The following KCNQ1 variants were observed in gnomAD, a reference collection of about 807,000 sequenced individuals.
KCNQ1 encodes the protein potassium voltage-gated channel subfamily Q member 1, also known as potassium voltage-gated channel subfamily KQT member 1.
A neutral mutation model predicts 72.4 loss-of-function variants in KCNQ1; 49 were observed. The ratio of observed to expected loss-of-function variants is 0.68; its 90% confidence interval spans 0.54 to 0.86. KCNQ1 has a LOEUF of 0.86. Among genes scored for constraint, KCNQ1 ranks in the 40% least tolerant of loss-of-function variants. The probability of loss-of-function intolerance (pLI) is 0.00; values close to 1 mark genes in which losing one functional copy is unlikely to be tolerated. For missense variants in KCNQ1, 790 were observed against 945.1 expected, an observed-to-expected ratio of 0.84 and a Z score of 2.15; for synonymous variants, 450 against 412.6, an observed-to-expected ratio of 1.09 and a Z score of -1.10.
intron 15 of KCNQ1, among the ~76,000 whole-genome samples, chr11:2,799,244 C>T (rs548910623): frequency 9.9e-5 from 15 of 152,280 alleles, no homozygotes; most frequent in African/African-American, 3.4e-4. Context: ...ACCACGGGGG[C>T]GGTGGTGCTC....
At chr11:2,548,437 T>C (rs187770472) in intron 2 of KCNQ1, among the ~76,000 whole-genome samples, 26 of 152,368 alleles carry the variant, frequency 1.7e-4, no homozygotes, top group Admixed American at 1.4e-3. Flanking sequence ...AAAGATTTCA[T>C]AGCGAACAAA....
intron 15 of KCNQ1, among the ~76,000 whole-genome samples, chr11:2,831,669 C>T (rs1463215256): frequency 6.7e-6 from 1 of 150,004 alleles, no homozygotes; most frequent in African/African-American, 2.5e-5. Flanking sequence ...CCCTTCCCCA[C>T]CACTGCTCCC....
intron 10 of KCNQ1, chr11:2,632,636 A>C (rs1849379572): frequency 2.5e-6 from 1 of 398,392 alleles, no homozygotes; most frequent in Non-Finnish European, 4.4e-6. Context: ...TAGCATATTC[A>C]TCAACTCAAA....
In KCNQ1 at chr11:2,827,175, C is replaced by A. The variant is rs1202437452; in HGVS notation, c.1795-20592C>A. The stretch of plus-strand genomic sequence containing the variant: ...AGGAGATAAGGGACCAGAGTCAGGG[C>A]AGGTGGGAGAAGGGGAGGTTCTTGG... On this transcript the variant is annotated intron_variant, in intron 15 of 15. Transcript: ENST00000155840. This position sits in a 1 kb window ranked among gnomAD's most constrained non-coding sequence, Gnocchi z 6.7. Among the ~76,000 whole-genome samples, 1 of 152,148 alleles carries A rather than the reference C, an allele frequency of 6.6e-6. No individual in the cohort carries two copies. Among genetic ancestry groups the A allele is most frequent in the African/African-American group, 2.4e-5 (1 of 41,424 alleles).
chr11:2,571,530 G>A (rs898694929), intron 4 of KCNQ1, 127 bp downstream of exon 4: 12 of 776,594 alleles, frequency 1.5e-5, no homozygotes, highest in African/African-American at 6.8e-5. Flanking sequence ...CACTGCCCCC[G>A]GGGGCACTGA....
At chr11:2,761,429 C>G (rs1227805655) in intron 11 of KCNQ1, among the ~76,000 whole-genome samples, 1 of 152,150 alleles carries the variant, frequency 6.6e-6, no homozygotes, top group African/African-American at 2.4e-5. Flanking sequence ...TTTATAGGCA[C>G]GGGATGGGAG....
At position 2,785,791 on chromosome 11, in the gene KCNQ1, T is replaced by G. The variant is rs887441621; in HGVS notation, c.1794+7754T>G. On this transcript the variant is annotated intron_variant, in intron 15 of 15. Coordinates refer to ENST00000155840, the MANE Select transcript of KCNQ1 (RefSeq NM_000218.3). This position sits in a 1 kb window ranked among gnomAD's most constrained non-coding sequence, Gnocchi z 4.4. ...TTTCTCTCTACTGGTTTTGAAGTTATGTATTCTACTACCATCCTTGGAAAG... is the reference window on the plus strand; with the variant it reads ...TTTCTCTCTACTGGTTTTGAAGTTAGGTATTCTACTACCATCCTTGGAAAG... Among the ~76,000 whole-genome samples the G allele has an allele frequency of 3.9e-5, 6 of 152,058 alleles. No individual in the cohort carries two copies. The highest frequency in any genetic ancestry group is 7.4e-5 in the Non-Finnish European group (5 of 67,916).
At position 2,748,068 on chromosome 11, in the gene KCNQ1, AC is replaced by A. The variant is rs1409877039; in HGVS notation, c.1515-20773del. 2.0e-5 allele frequency among the ~76,000 whole-genome samples: 3 copies of A among 152,150 alleles called. No homozygotes were observed. The highest frequency in any genetic ancestry group is 4.4e-5 in the Non-Finnish European group (3 of 68,010). ...TCTGATTTTCAGAAAACCATGGCTC[AC>A]CCACACTCTACCCTAGGAAAGGGCA... On this transcript the variant is annotated intron_variant, in intron 11 of 15. Coordinates refer to ENST00000155840, the MANE Select transcript of KCNQ1 (RefSeq NM_000218.3). The surrounding 1 kb of genome is among the most constrained non-coding windows in gnomAD (Gnocchi z 6.2).
At chr11:2,741,415 C>T (rs1465424118) in intron 11 of KCNQ1, among the ~76,000 whole-genome samples, 3 of 152,174 alleles carry the variant, frequency 2.0e-5, no homozygotes, top group Non-Finnish European at 4.4e-5. Flanking sequence ...ACTTGCAAGG[C>T]CCTGTGTGCC....
At chr11:2,633,434 A>G in intron 10 of KCNQ1, 1 of 398,554 alleles carries the variant, frequency 2.5e-6, no homozygotes. Context: ...TCTTACCCAT[A>G]AAATCTTCGC....
intron 1 of KCNQ1, among the ~76,000 whole-genome samples, chr11:2,466,353 G>T (rs1846351736): frequency 1.3e-5 from 2 of 152,158 alleles, no homozygotes; most frequent in South Asian, 4.1e-4. Flanking sequence ...CCCAGGCTGG[G>T]GTTTGTCCCC....
chr11:2,848,371 G>T lies in KCNQ1; in HGVS notation c.*368G>T. 1 of 518,290 alleles carries T rather than the reference G, an allele frequency of 1.9e-6. No individual in the cohort carries two copies. The highest frequency in any genetic ancestry group is 4.9e-5 in the East Asian group (1 of 20,484). The allele number at this position is 518,290 out of a possible 1,614,324, so 32.1% of individuals were successfully genotyped here. A position where few individuals can be genotyped will look rare whatever the true frequency, so the allele number is the denominator to read the frequency against. On this transcript the variant is annotated 3_prime_UTR_variant, in exon 16 of 16. Coordinates refer to ENST00000155840, the MANE Select transcript of KCNQ1 (RefSeq NM_000218.3). ...GCTGAGTGCAGGCCCACCCTGCTTG[G>T]CCCAGGGGGCTTCCTGAGGGGAGAC...
intron 1 of KCNQ1, among the ~76,000 whole-genome samples, chr11:2,521,047 GTTTTT>G (rs965470703): frequency 9.0e-6 from 1 of 111,026 alleles, no homozygotes; most frequent in Non-Finnish European, 2.0e-5. Context: ...TTTAAAAAAA[GTTTTT>G]TTTTTATTGT....
chr11:2,751,909 C>A (rs1257738292), intron 11 of KCNQ1, among the ~76,000 whole-genome samples: 2 of 152,232 alleles, frequency 1.3e-5, no homozygotes, highest in Non-Finnish European at 2.9e-5. Context: ...GGCTGACCTT[C>A]CTCTGAGCCC....
In KCNQ1 at chr11:2,585,310, G is replaced by A. The variant is rs539607508; in HGVS notation, c.1128+3G>A. 31 of 1,612,872 alleles carry A rather than the reference G, an allele frequency of 1.9e-5. No individual in the cohort carries two copies. In the East Asian group the frequency reaches 2.9e-4, roughly 15 times the overall value. ...CGGCGGCAGCCTCACTCATTCAGGTGCGGTGCCTGCAAGGCCCTGGTCACT... is the reference window on the plus strand; with the variant it reads ...CGGCGGCAGCCTCACTCATTCAGGTACGGTGCCTGCAAGGCCCTGGTCACT... On this transcript the variant is annotated splice_donor_region_variant and intron_variant, in intron 8 of 15. Coordinates refer to ENST00000155840, the MANE Select transcript of KCNQ1 (RefSeq NM_000218.3).
At chr11:2,551,556 T>C (rs946367979) in intron 2 of KCNQ1, among the ~76,000 whole-genome samples, 1 of 152,260 alleles carries the variant, frequency 6.6e-6, no homozygotes, top group African/African-American at 2.4e-5. Flanking sequence ...AAAGCTGCCA[T>C]GAATATTGCG....
At chr11:2,524,123 A>G (rs1446252908) in intron 1 of KCNQ1, among the ~76,000 whole-genome samples, 1 of 152,072 alleles carries the variant, frequency 6.6e-6, no homozygotes, top group East Asian at 1.9e-4. Flanking sequence ...TGTGATTGTG[A>G]GGATTCTTCT....
At chr11:2,761,623 A>G (rs1447457365) in intron 11 of KCNQ1, among the ~76,000 whole-genome samples, 1 of 152,126 alleles carries the variant, frequency 6.6e-6, no homozygotes, top group Non-Finnish European at 1.5e-5. Context: ...ACTTGGCCCC[A>G]TCCCAGGCCT....
At chr11:2,714,991 T>A (rs1851067508) in intron 11 of KCNQ1, among the ~76,000 whole-genome samples, 1 of 151,496 alleles carries the variant, frequency 6.6e-6, no homozygotes, top group Non-Finnish European at 1.5e-5. Flanking sequence ...CAGGGCCAGG[T>A]GTCACACAAG....
Sources: allele counts gnomAD v4.1 joint callset (sites outside exome capture counted in the v4.1 genomes callset), GRCh38; gene constraint gnomAD v4.1.1; non-coding constraint Gnocchi (gnomAD v3.1); transcripts MANE v1.5; gene names NCBI Gene and HGNC (gene_info 2026-07-23, HGNC 2026-07-21).